TLN2: variants seen among roughly 807,000 people sequenced by gnomAD.
The protein encoded by TLN2 is talin-2.
TLN2 carries 118 observed loss-of-function variants against 294.7 expected under a neutral mutation model. The observed-to-expected ratio is 0.40, with a 90% CI of 0.34 to 0.47. The LOEUF is 0.47. Ranked by LOEUF, TLN2 falls within the 20% of genes least tolerant of loss-of-function variation. The pLI is 0.84. For synonymous variants in TLN2, 1,431 were observed against 1,304.5 expected (o/e 1.10, Z -2.09); for missense variants, 3,083 against 3,282.2 (o/e 0.94, Z 1.48).
intron 2 of TLN2, among the ~76,000 whole-genome samples, chr15:62,600,409 A>G (rs2046893732): frequency 6.6e-6 from 1 of 152,226 alleles, no homozygotes; most frequent in Non-Finnish European, 1.5e-5. Flanking sequence ...TCTGTCTCCC[A>G]GTGAGTCCAG....
intron 2 of TLN2, among the ~76,000 whole-genome samples, chr15:62,593,064 G>A (rs1484877224): frequency 6.6e-6 from 1 of 152,146 alleles, no homozygotes; most frequent in Non-Finnish European, 1.5e-5. Flanking sequence ...TGCTATTTAG[G>A]GAGAATTGTT....
intron 1 of TLN2, among the ~76,000 whole-genome samples, chr15:62,504,842 T>A (rs1262392692): frequency 1.8e-4 from 26 of 143,552 alleles, no homozygotes; most frequent in African/African-American, 3.7e-4. Flanking sequence ...TGTGTGTGTG[T>A]GTGTGAGAGA....
chr15:62,620,007 G>T (rs1321937721), intron 3 of TLN2, among the ~76,000 whole-genome samples: 1 of 152,072 alleles, frequency 6.6e-6, no homozygotes, highest in South Asian at 2.1e-4. Flanking sequence ...TGGAGGTCTT[G>T]CTCTGTTGCC....
At chr15:62,639,695 C>G (rs147179835) in intron 3 of TLN2, among the ~76,000 whole-genome samples, 1 of 152,198 alleles carries the variant, frequency 6.6e-6, no homozygotes, top group African/African-American at 2.4e-5. Context: ...AGCTTACTAT[C>G]GCATGGAGCG....
chr15:62,702,636 A>T (rs1420306491), intron 18 of TLN2, 130 bp from the exon 19 acceptor site: 8 of 834,010 alleles, frequency 9.6e-6, no homozygotes, highest in Non-Finnish European at 1.6e-5. Context: ...TATCTGGCAG[A>T]CCACCTGAGA....
At chr15:62,840,093 T>C (rs572127090) in intron 58 of TLN2, among the ~76,000 whole-genome samples, 92 of 152,262 alleles carry the variant, frequency 6.0e-4, no homozygotes, top group African/African-American at 1.7e-3. Context: ...GCTGGGTGAC[T>C]CCAGACAGTG....
chr15:62,737,438 T>G (rs550948964), intron 29 of TLN2, among the ~76,000 whole-genome samples: 1 of 152,190 alleles, frequency 6.6e-6, no homozygotes, highest in African/African-American at 2.4e-5. Flanking sequence ...GTAGATCCGC[T>G]AGGGCTGGCC....
chr15:62,571,143 G>A (rs961120321), intron 1 of TLN2, among the ~76,000 whole-genome samples: 7 of 152,150 alleles, frequency 4.6e-5, no homozygotes. Flanking sequence ...CATTCCTCCA[G>A]TGGTTTTAAA....
chr15:62,807,817 C>A (rs985230867), intron 51 of TLN2, among the ~76,000 whole-genome samples: 67 of 152,306 alleles, frequency 4.4e-4, no homozygotes, highest in African/African-American at 1.6e-3. Flanking sequence ...CAAAATCAGA[C>A]TTGACAGGAG....
intron 1 of TLN2, among the ~76,000 whole-genome samples, chr15:62,546,820 A>G (rs1295191860): frequency 6.6e-6 from 1 of 152,194 alleles, no homozygotes; most frequent in East Asian, 1.9e-4. Context: ...GCATTTACAG[A>G]CTAGAGCAAT....
chr15:62,796,589 C>T (rs1036094295), intron 47 of TLN2, among the ~76,000 whole-genome samples: 1 of 152,174 alleles, frequency 6.6e-6, no homozygotes, highest in Non-Finnish European at 1.5e-5. Flanking sequence ...AAACTGCTGG[C>T]CAACCCCAGC....
chr15:62,589,893 C>T (rs1020498272), intron 2 of TLN2, 131 bp downstream of exon 2: 1 of 152,230 alleles, frequency 6.6e-6, no homozygotes, highest in Non-Finnish European at 1.5e-5. Context: ...TTTTGCGAGG[C>T]AGGTGTGAAG....
intron 12 of TLN2, among the ~76,000 whole-genome samples, chr15:62,691,144 T>G (rs546272832): frequency 1.3e-5 from 2 of 152,262 alleles, no homozygotes; most frequent in South Asian, 4.1e-4. Context: ...AAGTCTTCAC[T>G]AATTTGGGGA....
chr15:62,823,941 A>C, intron 54 of TLN2: 1 of 527,970 alleles, frequency 1.9e-6, no homozygotes. Context: ...GCTCAGTCAA[A>C]CCTGGATGCC....
chr15:62,766,999 A>C (rs1271707497), intron 41 of TLN2, among the ~76,000 whole-genome samples: 1 of 152,104 alleles, frequency 6.6e-6, no homozygotes, highest in Admixed American at 6.5e-5. Context: ...TCATTTTGCA[A>C]ATTCTTCAAG....
At chr15:62,498,026 T>C (rs1174975836) in intron 1 of TLN2, among the ~76,000 whole-genome samples, 1 of 151,788 alleles carries the variant, frequency 6.6e-6, no homozygotes, top group Non-Finnish European at 1.5e-5. Context: ...GGTGGGCAGA[T>C]CGCTTGAGCT....
intron 54 of TLN2, among the ~76,000 whole-genome samples, chr15:62,822,582 C>T (rs926643645): frequency 6.6e-6 from 1 of 152,178 alleles, no homozygotes; most frequent in Non-Finnish European, 1.5e-5. Context: ...TATGTATGGC[C>T]CTGGGTGGCA....
intron 1 of TLN2, among the ~76,000 whole-genome samples, chr15:62,511,877 A>G (rs963407953): frequency 2.0e-5 from 3 of 152,084 alleles, no homozygotes; most frequent in African/African-American, 7.2e-5. Context: ...CCTTCAGATG[A>G]TCTCTTCTGG....
intron 1 of TLN2, among the ~76,000 whole-genome samples, chr15:62,437,736 C>G (rs566030287): frequency 1.2e-4 from 15 of 128,736 alleles, no homozygotes; most frequent in African/African-American, 4.0e-4. Flanking sequence ...ACGGTACTTT[C>G]AAAAAACACC....
Sources: gnomAD v4.1 joint callset for allele counts (sites outside exome capture counted in the v4.1 genomes callset) on GRCh38, gnomAD v4.1.1 for gene constraint, MANE v1.5 for transcripts, NCBI Gene and HGNC (gene_info 2026-07-23, HGNC 2026-07-21) for gene names.